SLC22A23: variants seen among roughly 807,000 people sequenced by gnomAD.
SLC22A23 encodes ion transporter protein.
In SLC22A23, 26 loss-of-function variants were observed where a neutral mutation model predicts 61.0. The observed-to-expected ratio is 0.43, with a 90% CI of 0.31 to 0.59. SLC22A23 has a LOEUF of 0.59. SLC22A23 is among the 20% of genes least tolerant of loss of function. The probability of loss-of-function intolerance (pLI) is 0.11; values close to 1 mark genes in which losing one functional copy is unlikely to be tolerated. For synonymous variants in SLC22A23, 430 were observed against 413.9 expected (o/e 1.04, Z -0.47); for missense variants, 796 against 934.7 (o/e 0.85, Z 1.94).
chr6:3,309,119 GTGAA>G lies in SLC22A23; in HGVS notation c.1083-10905_1083-10902del, dbSNP rs1470472653. On this transcript the variant is annotated intron_variant, in intron 4 of 9. Transcript: ENST00000406686. This position sits in a 1 kb window ranked among gnomAD's most constrained non-coding sequence, Gnocchi z 4.7. The stretch of plus-strand genomic sequence containing the variant: ...GTTTGAGACCAGCCTGTCCAACATG[GTGAA>G]ACCCCCATCTCTACTAAAAACGCAA... Among the ~76,000 whole-genome samples, 1 of 151,132 alleles carries G rather than the reference GTGAA, an allele frequency of 6.6e-6. No homozygotes were observed. The highest frequency in any genetic ancestry group is 2.4e-5 in the African/African-American group (1 of 41,006).
intron 1 of SLC22A23, chr6:3,445,141 G>C (rs1453782210): frequency 1.3e-5 from 3 of 239,116 alleles, no homozygotes; most frequent in East Asian, 1.8e-4. Flanking sequence ...CTCTGGGAGA[G>C]AGACCCATGA....
intron 5 of SLC22A23, chr6:3,290,935 AC>A (rs1292550001): frequency 6.6e-6 from 1 of 152,316 alleles, no homozygotes; most frequent in Admixed American, 6.5e-5. Flanking sequence ...AACAAGAAAG[AC>A]TGAGCAGCTG....
At chr6:3,344,744 C>T (rs1247990122) in intron 3 of SLC22A23, among the ~76,000 whole-genome samples, 2 of 152,202 alleles carry the variant, frequency 1.3e-5, no homozygotes, top group African/African-American at 2.4e-5. Flanking sequence ...TAGGCAATCA[C>T]GAACTCCTTC....
chr6:3,423,177 T>A (rs1770262797), intron 1 of SLC22A23, among the ~76,000 whole-genome samples: 2 of 152,156 alleles, frequency 1.3e-5, no homozygotes, highest in African/African-American at 4.8e-5. Context: ...CTGAATTTGA[T>A]CATTTTTAAA....
chr6:3,439,764 T>C (rs1459903721), intron 1 of SLC22A23, among the ~76,000 whole-genome samples: 1 of 152,000 alleles, frequency 6.6e-6, no homozygotes, highest in Non-Finnish European at 1.5e-5. Context: ...AGGATATATA[T>C]TCAGGCCAGG....
In SLC22A23 at chr6:3,360,537, A is replaced by G. The variant is rs74520800; in HGVS notation, c.914-36535T>C. Among the ~76,000 whole-genome samples the G allele has an allele frequency of 6.6e-6, 1 of 152,350 alleles. No homozygotes were observed. Among genetic ancestry groups the G allele is most frequent in the East Asian group, 1.9e-4 (1 of 5,190 alleles). ...CATTCTCATAGTCGGGTTTCAGGCA[A>G]CGGCTCAACCGTGGAGGGAGGTCAC... On this transcript the variant is annotated intron_variant, in intron 3 of 9. Transcript: ENST00000406686. The surrounding 1 kb of genome is among the most constrained non-coding windows in gnomAD (Gnocchi z 4.6).
At chr6:3,350,983 T>TAAA (rs11392398) in intron 3 of SLC22A23, among the ~76,000 whole-genome samples, 4 of 149,614 alleles carry the variant, frequency 2.7e-5, no homozygotes, top group African/African-American at 7.4e-5. Flanking sequence ...ATTTTTTTCT[T>TAAA]AAAAAAAAAA....
rs2127548416 is a variant in SLC22A23, at chr6:3,439,176, T to C, written c.654+16730A>G. 2 of 346,532 alleles carry C rather than the reference T, an allele frequency of 5.8e-6. 1 individual carries two copies. Among genetic ancestry groups the C allele is most frequent in the South Asian group, 4.5e-5 (2 of 44,358 alleles). 21.5% of individuals were successfully genotyped at this position (346,532 alleles called of 1,614,324 possible). On this transcript the variant is annotated intron_variant, in intron 1 of 9. Coordinates refer to ENST00000406686, the MANE Select transcript of SLC22A23 (RefSeq NM_015482.2). ...CTGTGCCCTGTAGGATGTTTAGCAG[T>C]ACCCCTGCCTCTACCCACCAGGCGC...
At chr6:3,303,362 CA>C (rs1459570161) in intron 4 of SLC22A23, 2 of 152,202 alleles carry the variant, frequency 1.3e-5, no homozygotes, top group South Asian at 4.2e-4. Flanking sequence ...GGTGTTTATC[CA>C]AAGGAAAGGA....
chr6:3,445,199 C>G (rs531144352), intron 1 of SLC22A23, among the ~76,000 whole-genome samples: 2 of 152,126 alleles, frequency 1.3e-5, no homozygotes, highest in Non-Finnish European at 2.9e-5. Context: ...CTCTTGCCCC[C>G]CTTTATTTTT....
At chr6:3,365,553 G>T (rs756373502) in intron 3 of SLC22A23, among the ~76,000 whole-genome samples, 1 of 152,082 alleles carries the variant, frequency 6.6e-6, no homozygotes, top group Non-Finnish European at 1.5e-5. Flanking sequence ...AGCAGTGGGC[G>T]GACCTGATGC....
intron 3 of SLC22A23, among the ~76,000 whole-genome samples, chr6:3,409,114 T>G (rs948016768): frequency 3.9e-5 from 6 of 152,242 alleles, no homozygotes; most frequent in African/African-American, 1.4e-4. Context: ...CATCTTGTCA[T>G]GCATATCTTC....
intron 9 of SLC22A23, among the ~76,000 whole-genome samples, chr6:3,274,771 A>G (rs1023421666): frequency 2.6e-5 from 4 of 152,278 alleles, no homozygotes; most frequent in African/African-American, 9.6e-5. Flanking sequence ...ATGTTTAGAA[A>G]TAAATAACAA....
chr6:3,389,856 A>G (rs993547959), intron 3 of SLC22A23, among the ~76,000 whole-genome samples: 6 of 152,256 alleles, frequency 3.9e-5, no homozygotes, highest in Non-Finnish European at 8.8e-5. Context: ...ACTGCACAGC[A>G]CCACACCCGT....
chr6:3,426,264 A>C (rs1581869260), intron 1 of SLC22A23, among the ~76,000 whole-genome samples: 1 of 152,266 alleles, frequency 6.6e-6, no homozygotes, highest in East Asian at 1.9e-4. Flanking sequence ...GCTTATAGCC[A>C]AGTCAGACTT....
At chr6:3,409,157 G>A (rs1769033937) in intron 3 of SLC22A23, among the ~76,000 whole-genome samples, 1 of 152,220 alleles carries the variant, frequency 6.6e-6, no homozygotes, top group Non-Finnish European at 1.5e-5. Flanking sequence ...AGGGTTCTAA[G>A]ACAAATGCAA....
At chr6:3,398,628 G>C (rs1460806779) in intron 3 of SLC22A23, among the ~76,000 whole-genome samples, 1 of 151,994 alleles carries the variant, frequency 6.6e-6, no homozygotes, top group African/African-American at 2.4e-5. Context: ...CTGCCCTGAA[G>C]TGGAGGCCCT....
At chr6:3,298,978 C>CAA (rs56373817) in intron 4 of SLC22A23, among the ~76,000 whole-genome samples, 3 of 104,112 alleles carry the variant, frequency 2.9e-5, no homozygotes, top group South Asian at 3.1e-4. Flanking sequence ...GACTCCGTCT[C>CAA]AAAAAAAAAA....
chr6:3,285,695 G>T lies in SLC22A23; in HGVS notation c.1547-584C>A, dbSNP rs942275940. Among the ~76,000 whole-genome samples, 3 of 152,246 alleles carry T rather than the reference G, an allele frequency of 2.0e-5. No homozygotes were observed. In the East Asian group the frequency reaches 5.8e-4, roughly 29 times the overall value. ...TGCAATCCATTAGCTAAGCCTAACA[G>T]CAGTCTCCCAGCAAGGTATAGATTG... On this transcript the variant is annotated intron_variant, in intron 7 of 9. Transcript: ENST00000406686.
Sources: allele counts gnomAD v4.1 joint callset (sites outside exome capture counted in the v4.1 genomes callset), GRCh38; gene constraint gnomAD v4.1.1; non-coding constraint Gnocchi (gnomAD v3.1); transcripts MANE v1.5; gene names NCBI Gene and HGNC (gene_info 2026-07-23, HGNC 2026-07-21).